HDAC9: variants seen among roughly 807,000 people sequenced by gnomAD.
The protein encoded by HDAC9 is histone deacetylase 9, also known as MEF-2 interacting transcription repressor (MITR) protein.
A neutral mutation model predicts 139.4 loss-of-function variants in HDAC9; 41 were observed. The ratio of observed to expected loss-of-function variants is 0.29; its 90% CI spans 0.23 to 0.38. HDAC9 has a LOEUF of 0.38. HDAC9 is among the 10% of genes least tolerant of loss of function. HDAC9 has a pLI of 1.00. For synonymous variants in HDAC9, 517 were observed against 476.2 expected (o/e 1.09, Z -1.12); for missense variants, 1,147 against 1,297.0 (o/e 0.88, Z 1.78).
chr7:18,902,349 TG>T (rs1436831007), intron 22 of HDAC9, among the ~76,000 whole-genome samples: 1 of 152,176 alleles, frequency 6.6e-6, no homozygotes, highest in Non-Finnish European at 1.5e-5. Context: ...AGAGTCATCA[TG>T]GTGAGATCTG....
At chr7:18,883,284 G>A (rs527837262) in intron 22 of HDAC9, among the ~76,000 whole-genome samples, 13 of 151,946 alleles carry the variant, frequency 8.6e-5, no homozygotes, top group African/African-American at 1.4e-4. Flanking sequence ...AGAAAAAAAC[G>A]TCTCAACAAA....
At chr7:18,438,548 G>A (rs1791435784) in intron 1 of HDAC9, among the ~76,000 whole-genome samples, 2 of 152,026 alleles carry the variant, frequency 1.3e-5, no homozygotes, top group Admixed American at 6.6e-5. Flanking sequence ...GATTAAACTA[G>A]AATATATCTA....
At chr7:18,912,672 G>A (rs750015475) in intron 22 of HDAC9, among the ~76,000 whole-genome samples, 4 of 152,004 alleles carry the variant, frequency 2.6e-5, no homozygotes, top group South Asian at 2.1e-4. Flanking sequence ...TCAAAGCATC[G>A]TCTGCTCTGA....
At position 18,103,423 on chromosome 7, in the gene HDAC9, G is replaced by A. The variant is rs1031770283; in HGVS notation, c.-97+16210G>A. On this transcript the variant is annotated intron_variant, in intron 1 of 12. Coordinates refer to the HDAC9 transcript ENST00000417496. ...TGATGCTGAGGTTTGGGCATCTGTC[G>A]ATCCCATCACTCAAATAGTGAACAT... 4.6e-5 allele frequency among the ~76,000 whole-genome samples: 7 copies of A among 152,176 alleles called. No individual in the cohort carries two copies. In the South Asian group the frequency reaches 1.0e-3, roughly 23 times the overall value.
chr7:18,122,042 C>T (rs1196643253), intron 1 of HDAC9, among the ~76,000 whole-genome samples: 1 of 152,146 alleles, frequency 6.6e-6, no homozygotes, highest in Non-Finnish European at 1.5e-5. Context: ...TCCCCAGAAA[C>T]CAACTTCAAG....
At chr7:18,953,671 G>T (rs953700140) in intron 23 of HDAC9, among the ~76,000 whole-genome samples, 2 of 152,046 alleles carry the variant, frequency 1.3e-5, no homozygotes, top group Non-Finnish European at 1.5e-5. Context: ...AAGCAGCTGT[G>T]TCTCATGGCT....
chr7:18,220,421 T>G (rs1257885323), intron 2 of HDAC9, among the ~76,000 whole-genome samples: 1 of 152,174 alleles, frequency 6.6e-6, no homozygotes, highest in East Asian at 1.9e-4. Context: ...TGATGAATTC[T>G]GTGGAACCAG....
rs1554356296 is a variant in HDAC9 at position 18,789,286 on chromosome 7, G to GTGCACACA, written c.2215-4059_2215-4058insTGCACACA. 7.4e-5 allele frequency among the ~76,000 whole-genome samples: 11 copies of GTGCACACA among 148,506 alleles called. 1 individual carries two copies. The South Asian group carries it at 8.7e-4, about 12-fold the overall frequency. On this transcript the variant is annotated intron_variant, in intron 16 of 25. Coordinates refer to ENST00000686413, the MANE Select transcript of HDAC9 (RefSeq NM_178425.4). ...TTAATGCACACGCAGACACATACAC[G>GTGCACACA]CACACACACACACACACACACACAG...
At chr7:18,904,647 C>G (rs1236247860) in intron 22 of HDAC9, among the ~76,000 whole-genome samples, 1 of 145,264 alleles carries the variant, frequency 6.9e-6, no homozygotes, top group African/African-American at 2.6e-5. Context: ...ACGCGATCCG[C>G]TCACTGCAAG....
chr7:18,512,491 G>A (rs1281300888), intron 2 of HDAC9, among the ~76,000 whole-genome samples: 2 of 152,124 alleles, frequency 1.3e-5, no homozygotes, highest in Non-Finnish European at 2.9e-5. Context: ...GATCAGATTT[G>A]AGCGATGCTA....
intron 1 of HDAC9, among the ~76,000 whole-genome samples, chr7:18,388,815 T>C (rs953187013): frequency 3.3e-5 from 5 of 152,226 alleles, no homozygotes; most frequent in African/African-American, 1.2e-4. Flanking sequence ...TAATGGAATT[T>C]TGTTTTTCAA....
chr7:18,417,894 C>T (rs1361008560), intron 1 of HDAC9, among the ~76,000 whole-genome samples: 2 of 151,956 alleles, frequency 1.3e-5, no homozygotes, highest in Non-Finnish European at 2.9e-5. Flanking sequence ...CCTGTTCAGC[C>T]CTCTTGTCTC....
intron 1 of HDAC9, among the ~76,000 whole-genome samples, chr7:18,462,479 A>G (rs1793932523): frequency 6.6e-6 from 1 of 152,054 alleles, no homozygotes. Flanking sequence ...GAAGAAATAA[A>G]ATAATGCCAG....
At chr7:18,676,945 AC>A (rs1345389721) in intron 12 of HDAC9, among the ~76,000 whole-genome samples, 1 of 151,958 alleles carries the variant, frequency 6.6e-6, no homozygotes. Flanking sequence ...GCTTTTGTTT[AC>A]ACACAACTTC....
intron 1 of HDAC9, among the ~76,000 whole-genome samples, chr7:18,433,073 T>G (rs1651030922): frequency 6.6e-6 from 1 of 152,130 alleles, no homozygotes; most frequent in African/African-American, 2.4e-5. Context: ...ATCCCTGGGA[T>G]GCGAGGTTGC....
chr7:18,432,587 G>A (rs897326551), intron 1 of HDAC9, among the ~76,000 whole-genome samples: 4 of 152,138 alleles, frequency 2.6e-5, no homozygotes, highest in Non-Finnish European at 4.4e-5. Flanking sequence ...CCTATAATTG[G>A]GAATAGTGCT....
Position 18,171,272 on chromosome 7 carries a change from T to A in HDAC9, c.25+8923T>A, listed in dbSNP as rs553604560. 2.6e-5 allele frequency among the ~76,000 whole-genome samples: 4 copies of A among 152,338 alleles called. No homozygotes were observed. The South Asian group carries it at 8.3e-4, about 32-fold the overall frequency. On this transcript the variant is annotated intron_variant, in intron 2 of 12. Transcript: ENST00000417496. Reference sequence around the variant, plus strand: ...GTCTGTTATTGGTGTATAGGAATGCTGGTGATTTTTGCCCATTGATTTTGT... The same window carrying A: ...GTCTGTTATTGGTGTATAGGAATGCAGGTGATTTTTGCCCATTGATTTTGT...
intron 12 of HDAC9, among the ~76,000 whole-genome samples, chr7:18,680,485 C>T (rs570521414): frequency 6.6e-6 from 1 of 151,942 alleles, no homozygotes; most frequent in African/African-American, 2.4e-5. Context: ...TCTTTTTCAT[C>T]CTCTTTAATT....
intron 2 of HDAC9, among the ~76,000 whole-genome samples, chr7:18,576,961 G>C (rs888722801): frequency 1.3e-5 from 2 of 152,150 alleles, no homozygotes; most frequent in Admixed American, 6.5e-5. Flanking sequence ...GAGAGAGAGA[G>C]ACTCTTTTCC....
Sources: gnomAD v4.1 joint callset for allele counts (sites outside exome capture counted in the v4.1 genomes callset) on GRCh38, gnomAD v4.1.1 for gene constraint, MANE v1.5 for transcripts, NCBI Gene and HGNC (gene_info 2026-07-23, HGNC 2026-07-21) for gene names.